ARHGEF18: variants seen among roughly 807,000 people sequenced by gnomAD.
ARHGEF18 encodes rho guanine nucleotide exchange factor 18.
ARHGEF18 carries 93 observed loss-of-function variants against 155.7 expected under a neutral mutation model. That is an observed-to-expected ratio of 0.60 (90% CI 0.50 to 0.71). The LOEUF is 0.71. ARHGEF18 is among the 30% of genes least tolerant of loss of function. ARHGEF18 has a pLI of 0.00. For synonymous variants in ARHGEF18, 742 were observed against 753.1 expected (o/e 0.99, Z 0.24); for missense variants, 1,593 against 1,816.1 (o/e 0.88, Z 2.23).
At chr19:7,374,806 C>T (rs534972799) in intron 3 of ARHGEF18, among the ~76,000 whole-genome samples, 63 of 152,264 alleles carry the variant, frequency 4.1e-4, no homozygotes, top group African/African-American at 1.3e-3. Flanking sequence ...TAAGCTTAAA[C>T]GTGATCTGCA....
At position 7,470,004 on chromosome 19, in the gene ARHGEF18, C is replaced by T; in HGVS notation, c.3888C>T (p.Gly1296=). The change falls in exon 28 of 29, where the codon GGC becomes GGT. Residue 1296 remains glycine (G), a synonymous_variant. Coordinates refer to ENST00000668164, the MANE Select transcript of ARHGEF18 (RefSeq NM_001367823.1). This position sits in a 1 kb window ranked among gnomAD's most constrained non-coding sequence, Gnocchi z 5.9. Reference sequence around the variant, plus strand: ...GCTCGCTGAGCCCTATCCTGCCCGGCAGACACAGTCCTGCGCCCCCACCAG... The same window carrying T: ...GCTCGCTGAGCCCTATCCTGCCCGGTAGACACAGTCCTGCGCCCCCACCAG... The part of the protein sequence containing the change: ...NRRSLSPILP[G]RHSPAPPPDP... 1.2e-6 allele frequency: 2 copies of T among 1,612,976 alleles called. No homozygotes were observed. The highest frequency in any genetic ancestry group is 2.2e-5 in the South Asian group (2 of 91,044).
chr19:7,394,043 G>A (rs1375691196), intron 10 of ARHGEF18, among the ~76,000 whole-genome samples: 1 of 151,372 alleles, frequency 6.6e-6, no homozygotes, highest in Non-Finnish European at 1.5e-5. Context: ...TTTTGAGACA[G>A]AGTCTTGCTC....
chr19:7,435,484 G>C (rs1351477072), intron 10 of ARHGEF18, among the ~76,000 whole-genome samples: 2 of 152,238 alleles, frequency 1.3e-5, no homozygotes, highest in Middle Eastern at 3.4e-3. Flanking sequence ...GGTTTCCCGG[G>C]GAACAAATGG....
Position 7,440,976 on chromosome 19 carries a change from A to T in ARHGEF18, c.1106+494A>T, listed in dbSNP as rs191525545. Among the ~76,000 whole-genome samples the T allele has an allele frequency of 6.6e-6, 1 of 152,098 alleles. No individual in the cohort carries two copies. Among genetic ancestry groups the T allele is most frequent in the Non-Finnish European group, 1.5e-5 (1 of 68,016 alleles). On this transcript the variant is annotated intron_variant, in intron 11 of 28. Transcript: ENST00000668164. This position sits in a 1 kb window ranked among gnomAD's most constrained non-coding sequence, Gnocchi z 5.4. Reference sequence around the variant, plus strand: ...AATTATCATTTTCCTCTGAGTAAGGACTGCCCTCCCACCTTGACCATGAAA... The same window carrying T: ...AATTATCATTTTCCTCTGAGTAAGGTCTGCCCTCCCACCTTGACCATGAAA...
intron 10 of ARHGEF18, chr19:7,439,950 GT>G (rs1163109756): frequency 6.6e-7 from 1 of 1,522,256 alleles, no homozygotes; most frequent in African/African-American, 1.4e-5. Context: ...AATGGTCACA[GT>G]GGGGACCAAT....
Position 7,378,456 on chromosome 19 carries a change from G to C in ARHGEF18, c.599+5G>C, listed in dbSNP as rs1192940286. ...CCATGTGGAACCAGATCACGTGTGA[G>C]TTTCTGCCTCGTGGTGGGGGAGGGA... On this transcript the variant is annotated splice_donor_5th_base_variant and intron_variant, in intron 6 of 28. Transcript: ENST00000668164. The C allele has an allele frequency of 8.1e-6, 10 of 1,233,776 alleles. No homozygotes were observed. The highest frequency in any genetic ancestry group is 1.0e-5 in the Non-Finnish European group (10 of 988,156). 76.4% of individuals were successfully genotyped at this position (1,233,776 alleles called of 1,614,324 possible).
intron 2 of ARHGEF18, among the ~76,000 whole-genome samples, chr19:7,367,879 TA>T (rs1969991187): frequency 2.5e-5 from 1 of 39,596 alleles, no homozygotes; most frequent in Non-Finnish European, 3.8e-5. Flanking sequence ...TTTATATATA[TA>T]TATTTTATAT....
Position 7,470,453 on chromosome 19 carries a change from G to A in ARHGEF18, c.*155G>A. ...GCCTGGCAGGGGCCAGCCTGTCGGTGCTCTGGGCCTTGCAGCTGTTTCTGT... is the reference window on the plus strand; with the variant it reads ...GCCTGGCAGGGGCCAGCCTGTCGGTACTCTGGGCCTTGCAGCTGTTTCTGT... On this transcript the variant is annotated 3_prime_UTR_variant, in exon 29 of 29. Coordinates refer to ENST00000668164, the MANE Select transcript of ARHGEF18 (RefSeq NM_001367823.1). This position sits in a 1 kb window ranked among gnomAD's most constrained non-coding sequence, Gnocchi z 5.9. 1.6e-6 allele frequency: 1 copy of A among 645,062 alleles called. No individual in the cohort carries two copies. The highest frequency in any genetic ancestry group is 2.2e-6 in the Non-Finnish European group (1 of 450,044). The allele number at this position is 645,062 out of a possible 1,614,324, so 40.0% of individuals were successfully genotyped here.
In ARHGEF18 at chr19:7,448,525, G is replaced by T. The variant is rs576101727; in HGVS notation, c.1737+1357G>T. Among the ~76,000 whole-genome samples, 13 of 152,200 alleles carry T rather than the reference G, an allele frequency of 8.5e-5. No individual in the cohort carries two copies. In the South Asian group the frequency reaches 2.7e-3, roughly 32 times the overall value. ...AAGTACAAAAAATTAGCCAGGCGTG[G>T]TGGTGGGCGCCTGTAGTCCCAGCTA... On this transcript the variant is annotated intron_variant, in intron 15 of 28. Coordinates refer to ENST00000668164, the MANE Select transcript of ARHGEF18 (RefSeq NM_001367823.1).
At chr19:7,391,484 A>T (rs1971398457) in intron 10 of ARHGEF18, among the ~76,000 whole-genome samples, 1 of 151,970 alleles carries the variant, frequency 6.6e-6, no homozygotes, top group Non-Finnish European at 1.5e-5. Flanking sequence ...CTTCTCTCCC[A>T]CTACTCAGGT....
chr19:7,352,843 T>TTTTTC, intron 1 of ARHGEF18, among the ~76,000 whole-genome samples: 1 of 110,774 alleles, frequency 9.0e-6, no homozygotes, highest in African/African-American at 3.9e-5. Context: ...TTTTTTTTTT[T>TTTTTC]TTTTTTTTTT....
rs1974583550 is a variant in ARHGEF18 at position 7,440,666 on chromosome 19, A to G, written c.1106+184A>G. On this transcript the variant is annotated intron_variant, in intron 11 of 28. Coordinates refer to ENST00000668164, the MANE Select transcript of ARHGEF18 (RefSeq NM_001367823.1). The surrounding 1 kb of genome is among the most constrained non-coding windows in gnomAD (Gnocchi z 5.4). ...GATCCACGCCTTTTTTGCAAAAACG[A>G]TGTGTCCCGGGGTGTATTCGGCCCC... Among the ~76,000 whole-genome samples, 1 of 152,000 alleles carries G rather than the reference A, an allele frequency of 6.6e-6. No individual in the cohort carries two copies. Among genetic ancestry groups the G allele is most frequent in the Admixed American group, 6.6e-5 (1 of 15,262 alleles).
rs761036376 is a variant in ARHGEF18, at chr19:7,471,938, C to G, written c.*1640C>G. ...GCCATCAGCGACGCTGTCCGCCCCC[C>G]GTCAGATCCCATGTGTGCCATGTTT... On this transcript the variant is annotated 3_prime_UTR_variant, in exon 29 of 29. Coordinates refer to ENST00000668164, the MANE Select transcript of ARHGEF18 (RefSeq NM_001367823.1). This position sits in a 1 kb window ranked among gnomAD's most constrained non-coding sequence, Gnocchi z 4.4. The G allele has an allele frequency of 6.6e-6, 1 of 152,578 alleles. No individual in the cohort carries two copies. Among genetic ancestry groups the G allele is most frequent in the Non-Finnish European group, 1.5e-5 (1 of 68,134 alleles). 9.5% of individuals were successfully genotyped at this position (152,578 alleles called of 1,614,324 possible). A position where few individuals can be genotyped will look rare whatever the true frequency, so the allele number is the denominator to read the frequency against.
chr19:7,463,874 G>T lies in ARHGEF18; in HGVS notation c.2692G>T (p.Glu898Ter). The T allele has an allele frequency of 6.2e-7, 1 of 1,603,328 alleles. No homozygotes were observed. Among genetic ancestry groups the T allele is most frequent in the Non-Finnish European group, 8.5e-7 (1 of 1,175,586 alleles). The change falls in exon 22 of 29, where the codon GAA (glutamate) becomes TAA (stop). Residue 898 changes from glutamate (E) to a stop codon, truncating the protein, a stop_gained. Coordinates refer to ENST00000668164, the MANE Select transcript of ARHGEF18 (RefSeq NM_001367823.1). LOFTEE classifies it high-confidence loss of function. The surrounding 1 kb of genome is among the most constrained non-coding windows in gnomAD (Gnocchi z 5.2). ...RQLGSANGQAEDGGSSTGPPR... is the reference protein window; with the variant it reads ...RQLGSANGQA ...GCTGGGCAGCGCCAACGGCCAGGCG[G>T]AAGACGGAGGCAGCTCCACAGGCCC...
chr19:7,354,564 C>T (rs1969236698), intron 1 of ARHGEF18, among the ~76,000 whole-genome samples: 2 of 152,082 alleles, frequency 1.3e-5, no homozygotes, highest in Admixed American at 6.6e-5. Flanking sequence ...AGCACCTGCA[C>T]GGATGAGCAC....
chr19:7,391,279 A>AG (rs1459874593), intron 10 of ARHGEF18, among the ~76,000 whole-genome samples: 1 of 152,134 alleles, frequency 6.6e-6, no homozygotes, highest in Non-Finnish European at 1.5e-5. Context: ...TCCGTGGGAC[A>AG]GACGGAGGAA....
intron 10 of ARHGEF18, among the ~76,000 whole-genome samples, chr19:7,385,833 ATC>A (rs762196307): frequency 0.014 from 721 of 51,930 alleles, 8 homozygotes; most frequent in African/African-American, 0.026. Flanking sequence ...ATCTCTCTCT[ATC>A]TCTCTCTCTC....
chr19:7,368,499 C>G (rs936761234), intron 2 of ARHGEF18, among the ~76,000 whole-genome samples: 1 of 152,118 alleles, frequency 6.6e-6, no homozygotes, highest in African/African-American at 2.4e-5. Context: ...TGAGACACCC[C>G]CTCTCTCCCT....
At chr19:7,477,251 A>C (rs776136240), downstream of ARHGEF18, 4 of 1,577,648 alleles carry the variant, frequency 2.5e-6, no homozygotes, top group South Asian at 4.6e-5. Context: ...CGCCTGGTAC[A>C]TGCTGAGGAT....
Sources: allele counts gnomAD v4.1 joint callset (sites outside exome capture counted in the v4.1 genomes callset), GRCh38; gene constraint gnomAD v4.1.1; non-coding constraint Gnocchi (gnomAD v3.1); transcripts MANE v1.5; gene names NCBI Gene and HGNC (gene_info 2026-07-23, HGNC 2026-07-21).